The following CHODL variants were observed in gnomAD, a reference collection of about 807,000 sequenced individuals.
CHODL encodes the protein transmembrane protein MT75.
CHODL carries 29 observed loss-of-function variants against 34.5 expected under a neutral mutation model. The observed-to-expected ratio is 0.84, with a 90% CI of 0.63 to 1.15. The LOEUF (loss-of-function observed/expected upper bound fraction) is 1.15. Ranked by LOEUF, CHODL falls within the 50% of genes most tolerant of loss-of-function variation. CHODL has a pLI of 0.00. For missense variants in CHODL, 332 were observed against 332.5 expected, an observed-to-expected ratio of 1.00 and a Z score of 0.01; for synonymous variants, 125 against 116.1, an observed-to-expected ratio of 1.08 and a Z score of -0.49.
chr21:18,042,536 C>T (rs992871640), intron 2 of CHODL, among the ~76,000 whole-genome samples: 1 of 152,024 alleles, frequency 6.6e-6, no homozygotes, highest in East Asian at 1.9e-4. Flanking sequence ...TTGCTCTTGT[C>T]ACCCAGCCAG....
At chr21:18,093,815 A>G (rs751388766) in intron 2 of CHODL, among the ~76,000 whole-genome samples, 24 of 152,126 alleles carry the variant, frequency 1.6e-4, no homozygotes, top group Non-Finnish European at 3.2e-4. Flanking sequence ...AAGGAAGGAA[A>G]GAAGAAAGAG....
Position 18,170,198 on chromosome 21 carries a change from GT to G in CHODL, c.-44-86306del, listed in dbSNP as rs1167374855. Reference sequence around the variant, plus strand: ...AAAATATCTTTTTTTCTAGAAATAAGTTTTTGTTTTAAAGCCTATTTCGATA... The same window carrying G: ...AAAATATCTTTTTTTCTAGAAATAAGTTTTGTTTTAAAGCCTATTTCGATA... On this transcript the variant is annotated intron_variant, in intron 2 of 6. Coordinates refer to the CHODL transcript ENST00000400127. 2.0e-5 allele frequency among the ~76,000 whole-genome samples: 3 copies of G among 151,818 alleles called. No homozygotes were observed. In the East Asian group the frequency reaches 5.8e-4, roughly 29 times the overall value.
intron 2 of CHODL, among the ~76,000 whole-genome samples, chr21:18,137,837 A>C (rs2072752176): frequency 6.6e-6 from 1 of 152,152 alleles, no homozygotes. Flanking sequence ...TACCATTATG[A>C]TAGCTTATAT....
chr21:18,266,433 G>T lies in CHODL; in HGVS notation c.*395G>T. On this transcript the variant is annotated 3_prime_UTR_variant, in exon 6 of 6. Coordinates refer to ENST00000299295, the MANE Select transcript of CHODL (RefSeq NM_024944.3). ...GTATTGAAATTTACAGTGTGCAAAA[G>T]TATTTTACCTTTGCATAAGTGTTTG... The T allele has an allele frequency of 3.7e-6, 1 of 272,246 alleles. No homozygotes were observed. The highest frequency in any genetic ancestry group is 5.6e-5 in the South Asian group (1 of 17,818). 16.9% of individuals were successfully genotyped at this position (272,246 alleles called of 1,614,324 possible).
intron 1 of CHODL, among the ~76,000 whole-genome samples, chr21:17,998,222 G>T (rs2063870106): frequency 6.6e-6 from 1 of 152,208 alleles, no homozygotes; most frequent in African/African-American, 2.4e-5. Flanking sequence ...GATCTCCTTT[G>T]ACTTCAGGTC....
At chr21:18,042,065 G>A (rs1021779789) in intron 2 of CHODL, among the ~76,000 whole-genome samples, 5 of 151,564 alleles carry the variant, frequency 3.3e-5, no homozygotes, top group African/African-American at 7.3e-5. Context: ...GCTGATGAAC[G>A]GTGTCCTGTA....
At chr21:18,075,508 C>G (rs143756510) in intron 2 of CHODL, among the ~76,000 whole-genome samples, 67 of 151,318 alleles carry the variant, frequency 4.4e-4, no homozygotes, top group African/African-American at 1.3e-3. Flanking sequence ...CCTATGGGAA[C>G]TTGGGCAAGA....
intron 2 of CHODL, among the ~76,000 whole-genome samples, chr21:18,214,458 A>G (rs1760990845): frequency 6.6e-6 from 1 of 152,118 alleles, no homozygotes; most frequent in Non-Finnish European, 1.5e-5. Context: ...CATACAGTAC[A>G]CGCCAATAAA....
chr21:18,013,968 C>T (rs1207662806), intron 1 of CHODL, among the ~76,000 whole-genome samples: 1 of 152,034 alleles, frequency 6.6e-6, no homozygotes. Flanking sequence ...CTGTTAGGAC[C>T]ACTTACTAGC....
chr21:18,136,116 A>G (rs1477696724), intron 2 of CHODL, among the ~76,000 whole-genome samples: 2 of 141,574 alleles, frequency 1.4e-5, no homozygotes, highest in East Asian at 4.1e-4. Flanking sequence ...AAAAAAAAAA[A>G]AAGAAAAAGA....
chr21:18,265,859 A>C, intron 5 of CHODL, 95 bp from the exon 6 acceptor site: 2 of 971,666 alleles, frequency 2.1e-6, no homozygotes, highest in African/African-American at 1.6e-5. Flanking sequence ...GGAGTCTTTC[A>C]TAAATAACTG....
At chr21:18,004,759 T>A (rs1049261775) in intron 1 of CHODL, among the ~76,000 whole-genome samples, 11 of 152,178 alleles carry the variant, frequency 7.2e-5, no homozygotes, top group Non-Finnish European at 1.3e-4. Context: ...GTCTTATGTA[T>A]TTTAAATATG....
chr21:18,189,400 C>T (rs778477246), intron 2 of CHODL, among the ~76,000 whole-genome samples: 35 of 152,236 alleles, frequency 2.3e-4, no homozygotes, highest in Non-Finnish European at 4.6e-4. Flanking sequence ...AATTGCTGGA[C>T]ATGACAATTT....
intron 2 of CHODL, among the ~76,000 whole-genome samples, chr21:18,153,946 T>G (rs1398829048): frequency 6.6e-6 from 1 of 152,144 alleles, no homozygotes; most frequent in Non-Finnish European, 1.5e-5. Flanking sequence ...AGTCATTCAG[T>G]GCAGTGCCAC....
intron 2 of CHODL, among the ~76,000 whole-genome samples, chr21:18,149,912 T>C (rs761833949): frequency 6.6e-6 from 1 of 152,202 alleles, no homozygotes; most frequent in Non-Finnish European, 1.5e-5. Flanking sequence ...AGATTTATTC[T>C]GAGCCAAATA....
intron 2 of CHODL, among the ~76,000 whole-genome samples, chr21:18,232,341 GA>G (rs1327143709): frequency 1.3e-5 from 2 of 152,000 alleles, no homozygotes; most frequent in Non-Finnish European, 2.9e-5. Context: ...CTGGGTCACT[GA>G]ATGACAGAAA....
At chr21:18,144,259 A>C (rs1285751942) in intron 2 of CHODL, among the ~76,000 whole-genome samples, 2 of 152,104 alleles carry the variant, frequency 1.3e-5, no homozygotes, top group African/African-American at 4.8e-5. Context: ...AAATTATTAT[A>C]TTTTATTGTG....
chr21:18,228,030 G>C (rs1225583929), intron 2 of CHODL, among the ~76,000 whole-genome samples: 1 of 152,082 alleles, frequency 6.6e-6, no homozygotes, highest in East Asian at 1.9e-4. Context: ...TCTTTTGACT[G>C]GATGGGAACC....
In CHODL at chr21:18,164,254, A is replaced by G. The variant is rs562462914; in HGVS notation, c.-44-92255A>G. Among the ~76,000 whole-genome samples, 10 of 152,372 alleles carry G rather than the reference A, an allele frequency of 6.6e-5. No individual in the cohort carries two copies. The South Asian group carries it at 1.0e-3, about 16-fold the overall frequency. ...AGCTGCTCTTGCAATCCAGATGGCA[A>G]GTAAATTCATATCTTCAGGAGGGAT... On this transcript the variant is annotated intron_variant, in intron 2 of 6. Coordinates refer to the CHODL transcript ENST00000400127.
Sources: gnomAD v4.1 joint callset for allele counts (sites outside exome capture counted in the v4.1 genomes callset) on GRCh38, gnomAD v4.1.1 for gene constraint, MANE v1.5 for transcripts, NCBI Gene and HGNC (gene_info 2026-07-23, HGNC 2026-07-21) for gene names.